TNIK: variants seen among roughly 807,000 people sequenced by gnomAD.
TNIK encodes TRAF2 and NCK-interacting protein kinase.
TNIK carries 49 observed loss-of-function variants against 191.3 expected under a neutral mutation model. The ratio of observed to expected loss-of-function variants is 0.26; its 90% CI spans 0.20 to 0.32. The LOEUF is 0.32. TNIK is among the 10% of genes least tolerant of loss of function. The pLI is 1.00. For missense variants in TNIK, 1,155 were observed against 1,702.3 expected, an observed-to-expected ratio of 0.68 and a Z score of 5.66; for synonymous variants, 594 against 600.9, an observed-to-expected ratio of 0.99 and a Z score of 0.17.
At chr3:171,372,845 G>A (rs1374291166) in intron 1 of TNIK, among the ~76,000 whole-genome samples, 2 of 152,150 alleles carry the variant, frequency 1.3e-5, no homozygotes, top group South Asian at 2.1e-4. Context: ...AACCAGTCTG[G>A]AATCAAAAGA....
chr3:171,113,721 AAAAG>A, intron 18 of TNIK, among the ~76,000 whole-genome samples: 1 of 152,162 alleles, frequency 6.6e-6, no homozygotes, highest in East Asian at 1.9e-4. Flanking sequence ...TCCCACCAAA[AAAAG>A]CAGTATTCAT....
intron 22 of TNIK, among the ~76,000 whole-genome samples, chr3:171,097,177 C>T (rs1722840038): frequency 6.6e-6 from 1 of 152,116 alleles, no homozygotes; most frequent in South Asian, 2.1e-4. Context: ...ATGTTAAAAA[C>T]TGTGATAAGA....
At chr3:171,261,524 TTGGATGGATGGATGA>T (rs11268683) in intron 2 of TNIK, among the ~76,000 whole-genome samples, 78,532 of 151,802 alleles carry the variant, frequency 0.52, 21,136 homozygotes, top group African/African-American at 0.67. Flanking sequence ...TGTTTGTTGG[TTGGATGGATGGATGA>T]TGGATGGATG....
At position 171,188,626 on chromosome 3, in the gene TNIK, TA is replaced by T. The variant is rs1737661501; in HGVS notation, c.639+75del. 11 of 1,540,312 alleles carry T rather than the reference TA, an allele frequency of 7.1e-6. No homozygotes were observed. In the South Asian group the frequency reaches 1.4e-4, roughly 19 times the overall value. On this transcript the variant is annotated intron_variant, in intron 7 of 32. Transcript: ENST00000436636. Reference sequence around the variant, plus strand: ...CTTTGGGTGACATAAATCATAAATATAAGGGCATGTAAGACTTTATAAGACT... The same window carrying T: ...CTTTGGGTGACATAAATCATAAATATAGGGCATGTAAGACTTTATAAGACT...
intron 1 of TNIK, among the ~76,000 whole-genome samples, chr3:171,402,889 G>C (rs911012870): frequency 8.5e-5 from 13 of 152,176 alleles, no homozygotes; most frequent in African/African-American, 2.2e-4. Flanking sequence ...TAACAGTAAA[G>C]TATATTTTTC....
At chr3:171,268,046 G>T (rs543967500) in intron 2 of TNIK, among the ~76,000 whole-genome samples, 49 of 152,286 alleles carry the variant, frequency 3.2e-4, no homozygotes, top group African/African-American at 1.1e-3. Flanking sequence ...ACTCTGAGGA[G>T]TCCTTCTGGA....
At chr3:171,453,558 T>C (rs1194082288) in intron 1 of TNIK, among the ~76,000 whole-genome samples, 1 of 152,084 alleles carries the variant, frequency 6.6e-6, no homozygotes, top group Non-Finnish European at 1.5e-5. Flanking sequence ...TTTCAGTCTG[T>C]AGACTAAGGA....
At chr3:171,232,840 C>G (rs957288507) in intron 2 of TNIK, among the ~76,000 whole-genome samples, 1 of 152,210 alleles carries the variant, frequency 6.6e-6, no homozygotes, top group African/African-American at 2.4e-5. Flanking sequence ...ATCCAAATCA[C>G]TCAAGTACGA....
rs1260475813 is a variant in TNIK at position 171,316,928 on chromosome 3, ATATATAATTATATGATATATAT to A, written c.123+52670_123+52691del. ...AATTATATGATATATATCATATAAA[ATATATAATTATATGATATATAT>A]CATATAAAATATATAATTATATGAT... On this transcript the variant is annotated intron_variant, in intron 2 of 32. Coordinates refer to ENST00000436636, the MANE Select transcript of TNIK (RefSeq NM_015028.4). 4.2e-3 allele frequency among the ~76,000 whole-genome samples: 336 copies of A among 80,728 alleles called. 2 individuals are homozygous for A. Among genetic ancestry groups the A allele is most frequent in the African/African-American group, 0.019 (325 of 16,790 alleles). The allele number at this position is 80,728 out of a possible 152,430, so 53.0% of individuals were successfully genotyped here. A position where few individuals can be genotyped will look rare whatever the true frequency, so the allele number is the denominator to read the frequency against.
chr3:171,199,021 G>C (rs1198965655), intron 4 of TNIK, among the ~76,000 whole-genome samples: 1 of 152,080 alleles, frequency 6.6e-6, no homozygotes, highest in Non-Finnish European at 1.5e-5. Context: ...AGTGACTCGA[G>C]TCTTTCAAAA....
intron 2 of TNIK, among the ~76,000 whole-genome samples, chr3:171,319,429 A>G (rs1276806397): frequency 6.6e-6 from 1 of 152,146 alleles, no homozygotes; most frequent in South Asian, 2.1e-4. Context: ...TGATAAATTA[A>G]CAAGTTTAAC....
rs1560058432 is a variant in TNIK, at chr3:171,062,715, A to G, written c.*1166T>C. 1 of 152,174 alleles carries G rather than the reference A, an allele frequency of 6.6e-6. No individual in the cohort carries two copies. Among genetic ancestry groups the G allele is most frequent in the Non-Finnish European group, 1.5e-5 (1 of 68,026 alleles). The allele number at this position is 152,174 out of a possible 1,614,324, so 9.4% of individuals were successfully genotyped here. A position where few individuals can be genotyped will look rare whatever the true frequency, so the allele number is the denominator to read the frequency against. On this transcript the variant is annotated 3_prime_UTR_variant, in exon 33 of 33. Transcript: ENST00000436636. ...CTCTTGTATCTGAGGCAGGCTTAGGAGTCTAGTCCCTTCTCTCACCCACAC... is the reference window on the plus strand; with the variant it reads ...CTCTTGTATCTGAGGCAGGCTTAGGGGTCTAGTCCCTTCTCTCACCCACAC...
intron 23 of TNIK, among the ~76,000 whole-genome samples, chr3:171,092,211 G>A (rs1336439651): frequency 2.0e-5 from 3 of 152,084 alleles, no homozygotes; most frequent in Non-Finnish European, 4.4e-5. Flanking sequence ...GCCTCCCAAA[G>A]TGCTGGGATT....
intron 7 of TNIK, among the ~76,000 whole-genome samples, chr3:171,183,926 A>G (rs867259250): frequency 1.3e-4 from 19 of 145,452 alleles, no homozygotes; most frequent in African/African-American, 2.6e-4. Context: ...CGTCTTAAAA[A>G]AAAAAAAAAA....
intron 1 of TNIK, among the ~76,000 whole-genome samples, chr3:171,447,752 C>G (rs1373273178): frequency 6.6e-6 from 1 of 152,114 alleles, no homozygotes; most frequent in Non-Finnish European, 1.5e-5. Context: ...AGGAGTTATC[C>G]TAAGGAAACA....
chr3:171,299,872 A>ACG (rs1225012208), intron 2 of TNIK, among the ~76,000 whole-genome samples: 3 of 152,214 alleles, frequency 2.0e-5, no homozygotes, highest in African/African-American at 7.2e-5. Flanking sequence ...TCAACACCTA[A>ACG]CGTACAAGGA....
intron 1 of TNIK, among the ~76,000 whole-genome samples, chr3:171,395,036 T>C (rs1228877675): frequency 6.6e-6 from 1 of 152,110 alleles, no homozygotes; most frequent in Non-Finnish European, 1.5e-5. Context: ...CTAAACAATA[T>C]ACGGCTTGAT....
intron 4 of TNIK, among the ~76,000 whole-genome samples, chr3:171,199,924 A>C (rs991379603): frequency 1.3e-5 from 2 of 152,250 alleles, no homozygotes; most frequent in Non-Finnish European, 2.9e-5. Context: ...GATAGCATCA[A>C]TACCTCCCCA....
chr3:171,148,389 C>T (rs1483630606), intron 12 of TNIK, among the ~76,000 whole-genome samples: 2 of 152,202 alleles, frequency 1.3e-5, no homozygotes, highest in Non-Finnish European at 2.9e-5. Context: ...TGTCTCTGAG[C>T]CTCAGTTTCT....
Sources: allele counts gnomAD v4.1 joint callset (sites outside exome capture counted in the v4.1 genomes callset), GRCh38; gene constraint gnomAD v4.1.1; transcripts MANE v1.5; gene names NCBI Gene and HGNC (gene_info 2026-07-23, HGNC 2026-07-21).